KCNMA1: variants seen among roughly 807,000 people sequenced by gnomAD.
KCNMA1 encodes the protein potassium calcium-activated channel subfamily M alpha 1.
In KCNMA1, 29 loss-of-function variants were observed where a neutral mutation model predicts 140.0. The observed-to-expected ratio is 0.21, with a 90% confidence interval of 0.15 to 0.28. KCNMA1 has a LOEUF of 0.28. Among genes scored for constraint, KCNMA1 ranks in the 10% least tolerant of loss-of-function variants. KCNMA1 has a pLI of 1.00. For missense variants in KCNMA1, 880 were observed against 1,602.2 expected, an observed-to-expected ratio of 0.55 and a Z score of 7.70; for synonymous variants, 612 against 611.9, an observed-to-expected ratio of 1.00 and a Z score of 0.00.
chr10:77,369,900 T>G (rs39683), intron 2 of KCNMA1, among the ~76,000 whole-genome samples: 6 of 152,226 alleles, frequency 3.9e-5, no homozygotes, highest in African/African-American at 1.4e-4. Flanking sequence ...CTCACATACC[T>G]GCTGAGTCAA....
intron 3 of KCNMA1, among the ~76,000 whole-genome samples, chr10:77,234,613 CCAT>C (rs1342371266): frequency 6.6e-6 from 1 of 152,158 alleles, no homozygotes; most frequent in Non-Finnish European, 1.5e-5. Flanking sequence ...TACATTTATG[CCAT>C]CATCATCATT....
chr10:76,946,988 T>C (rs2064183142), intron 22 of KCNMA1, among the ~76,000 whole-genome samples: 1 of 152,182 alleles, frequency 6.6e-6, no homozygotes, highest in Non-Finnish European at 1.5e-5. Flanking sequence ...TGAAATGACC[T>C]GCAAAGATGA....
intron 1 of KCNMA1, chr10:77,588,019 A>C (rs2154564156): frequency 4.1e-6 from 1 of 245,862 alleles, no homozygotes; most frequent in East Asian, 1.8e-4. Flanking sequence ...AATCACAACC[A>C]CATTAGGAGC....
At chr10:77,363,900 A>T (rs2094166049) in intron 2 of KCNMA1, among the ~76,000 whole-genome samples, 1 of 152,124 alleles carries the variant, frequency 6.6e-6, no homozygotes, top group Non-Finnish European at 1.5e-5. Flanking sequence ...TGTTCTTTTT[A>T]AAATGGACTT....
chr10:77,349,745 A>G (rs188744513), intron 2 of KCNMA1, among the ~76,000 whole-genome samples: 34 of 152,352 alleles, frequency 2.2e-4, no homozygotes, highest in African/African-American at 7.7e-4. Context: ...TTTAAAGAGC[A>G]TGGATGGTAG....
At chr10:77,269,094 A>T (rs2064262972) in intron 2 of KCNMA1, among the ~76,000 whole-genome samples, 1 of 152,018 alleles carries the variant, frequency 6.6e-6, no homozygotes, top group Non-Finnish European at 1.5e-5. Context: ...GTTGGTGGTC[A>T]CTCCTTGTCT....
chr10:77,261,374 T>G (rs2061969731), intron 2 of KCNMA1, among the ~76,000 whole-genome samples: 1 of 152,184 alleles, frequency 6.6e-6, no homozygotes, highest in African/African-American at 2.4e-5. Context: ...ACATGATTAC[T>G]ACAAGCCAAT....
At chr10:77,034,243 C>CAAA (rs1187442257) in intron 15 of KCNMA1, among the ~76,000 whole-genome samples, 1 of 71,576 alleles carries the variant, frequency 1.4e-5, no homozygotes. Context: ...GACTCCATCT[C>CAAA]AAAAAAAAAA....
intron 1 of KCNMA1, among the ~76,000 whole-genome samples, chr10:77,573,291 C>G (rs999482219): frequency 3.9e-4 from 59 of 152,060 alleles, no homozygotes; most frequent in African/African-American, 1.4e-3. Context: ...TCCCCGGGAG[C>G]CATGATGTGT....
intron 1 of KCNMA1, among the ~76,000 whole-genome samples, chr10:77,623,724 G>A (rs1269359046): frequency 1.3e-5 from 2 of 151,352 alleles, no homozygotes; most frequent in Non-Finnish European, 2.9e-5. Context: ...AAGAAAGAAA[G>A]AATATTTGCA....
At chr10:76,877,887 T>G (rs2032694580) in exon 30 of KCNMA1, 9 of 1,609,492 alleles carry the variant, frequency 5.6e-6, no homozygotes, top group Non-Finnish European at 7.6e-6. Context: ...AAACCATTTC[T>G]TTTCTGCTAA....
In KCNMA1 at chr10:76,885,238, G is replaced by GTT. The variant is rs1017756315; in HGVS notation, c.*2026_*2027dup. The GTT allele has an allele frequency of 1.3e-5, 6 of 447,230 alleles. No individual in the cohort carries two copies. Among genetic ancestry groups the GTT allele is most frequent in the Middle Eastern group, 1.0e-3 (1 of 956 alleles). The allele number at this position is 447,230 out of a possible 1,614,324, so 27.7% of individuals were successfully genotyped here. ...ATAGTTATATATATATAATTATATA[G>GTT]TTATATATATATAATTATATATAGT... On this transcript the variant is annotated 3_prime_UTR_variant, in exon 28 of 28. Transcript: ENST00000286628.
At chr10:76,980,725 G>C (rs554751089) in intron 19 of KCNMA1, 1 of 152,086 alleles carries the variant, frequency 6.6e-6, no homozygotes, top group African/African-American at 2.4e-5. Context: ...CCCATATATA[G>C]GGCAGACACC....
At chr10:77,632,883 T>C (rs1240175554) in intron 1 of KCNMA1, among the ~76,000 whole-genome samples, 3 of 152,228 alleles carry the variant, frequency 2.0e-5, no homozygotes, top group Non-Finnish European at 1.5e-5. Context: ...TAAGCATCAG[T>C]ATGCTCTTGG....
intron 27 of KCNMA1, among the ~76,000 whole-genome samples, chr10:76,888,981 C>T (rs1263786985): frequency 1.3e-5 from 2 of 152,146 alleles, no homozygotes; most frequent in African/African-American, 4.8e-5. Flanking sequence ...ATCACTGGAA[C>T]CCAGGAGGCA....
chr10:77,046,593 G>T (rs1055459831), intron 14 of KCNMA1, among the ~76,000 whole-genome samples: 1 of 152,168 alleles, frequency 6.6e-6, no homozygotes, highest in Non-Finnish European at 1.5e-5. Flanking sequence ...TGAAAAGTAC[G>T]ATGTTAAGGC....
intron 2 of KCNMA1, among the ~76,000 whole-genome samples, chr10:77,269,674 T>C (rs1336228284): frequency 6.6e-6 from 1 of 152,170 alleles, no homozygotes; most frequent in Non-Finnish European, 1.5e-5. Context: ...GGGATCTTAA[T>C]GCTAACACAG....
At chr10:77,420,256 T>A (rs1172823453) in intron 1 of KCNMA1, among the ~76,000 whole-genome samples, 1 of 152,216 alleles carries the variant, frequency 6.6e-6, no homozygotes, top group African/African-American at 2.4e-5. Flanking sequence ...TCTGTAAGCC[T>A]CCACTGATGG....
At position 76,979,485 on chromosome 10, in the gene KCNMA1, C is replaced by G. The variant is rs2153225622; in HGVS notation, c.2267-9418G>C. On this transcript the variant is annotated intron_variant, in intron 19 of 27. Coordinates refer to ENST00000286628, the MANE Select transcript of KCNMA1 (RefSeq NM_001161352.2). ...GTTACTTTCTTTTTCTTTCCCCCCA[C>G]CCCCAAACAGGTTCAAATAGCCATG... The G allele has an allele frequency of 2.6e-5, 4 of 152,166 alleles. No homozygotes were observed. The South Asian group carries it at 8.3e-4, about 32-fold the overall frequency. 9.4% of individuals were successfully genotyped at this position (152,166 alleles called of 1,614,324 possible). A position where few individuals can be genotyped will look rare whatever the true frequency, so the allele number is the denominator to read the frequency against.
Sources: gnomAD v4.1 joint callset for allele counts (sites outside exome capture counted in the v4.1 genomes callset) on GRCh38, gnomAD v4.1.1 for gene constraint, MANE v1.5 for transcripts, NCBI Gene and HGNC (gene_info 2026-07-23, HGNC 2026-07-21) for gene names.